Variants in CEP63 observed in about 807,000 individuals in gnomAD.
The protein encoded by CEP63 is centrosomal protein of 63 kDa.
CEP63 carries 84 observed loss-of-function variants against 89.1 expected under a neutral mutation model. The observed-to-expected ratio is 0.94, with a 90% CI of 0.79 to 1.13. The LOEUF (loss-of-function observed/expected upper bound fraction) is 1.13. Among genes scored for constraint, CEP63 ranks in the 50% most tolerant of loss-of-function variants. The pLI is 0.00. For synonymous variants in CEP63, 267 were observed against 272.5 expected (o/e 0.98, Z 0.20); for missense variants, 838 against 813.3 (o/e 1.03, Z -0.37).
the CEP63 span, among the ~76,000 whole-genome samples, chr3:134,617,516 C>T: frequency 2.6e-5 from 4 of 152,144 alleles, no homozygotes; most frequent in Non-Finnish European, 5.9e-5. Flanking sequence ...ACAGGTAATT[C>T]CTGTATGCAC....
chr3:134,766,590 T>A, the CEP63 span, among the ~76,000 whole-genome samples: 1 of 152,162 alleles, frequency 6.6e-6, no homozygotes, highest in African/African-American at 2.4e-5. Flanking sequence ...TTTCTCCTAG[T>A]GGAGGGCTGA....
the CEP63 span, among the ~76,000 whole-genome samples, chr3:134,699,717 C>T: frequency 6.6e-6 from 1 of 152,228 alleles, no homozygotes; most frequent in South Asian, 2.1e-4. Context: ...AATCTCAGCT[C>T]ATAATTTCAA....
the CEP63 span, among the ~76,000 whole-genome samples, chr3:134,659,683 G>T: frequency 6.6e-6 from 1 of 152,218 alleles, no homozygotes; most frequent in Admixed American, 6.5e-5. Flanking sequence ...ACCTCTCCTG[G>T]TGGTTCAAGA....
chr3:134,575,314 TTTTC>T (rs796829705), downstream of CEP63, among the ~76,000 whole-genome samples: 53 of 125,586 alleles, frequency 4.2e-4, 1 homozygote, highest in African/African-American at 1.6e-3. Context: ...TTCTTTCCTT[TTTTC>T]TTTCTTTCTT....
intron 3 of CEP63, among the ~76,000 whole-genome samples, chr3:134,524,678 C>T (rs573961260): frequency 1.3e-5 from 2 of 152,220 alleles, no homozygotes; most frequent in East Asian, 3.9e-4. Context: ...TGTGATGAAT[C>T]ACATTTATTG....
the CEP63 span, among the ~76,000 whole-genome samples, chr3:134,646,194 G>A: frequency 6.6e-6 from 1 of 152,224 alleles, no homozygotes; most frequent in African/African-American, 2.4e-5. Flanking sequence ...CCATAGCAGA[G>A]TTTTGTTAGC....
chr3:134,744,993 G>A, the CEP63 span, among the ~76,000 whole-genome samples: 1 of 152,160 alleles, frequency 6.6e-6, no homozygotes, highest in Non-Finnish European at 1.5e-5. Flanking sequence ...TTTGACATAT[G>A]TATACACTCA....
At chr3:134,651,076 G>T in the CEP63 span, 1 of 1,507,208 alleles carries the variant, frequency 6.6e-7, no homozygotes, top group Non-Finnish European at 8.8e-7. Context: ...GCGGAAGAGG[G>T]CGCTCCCCCG....
the CEP63 span, among the ~76,000 whole-genome samples, chr3:134,648,309 AG>A: frequency 6.6e-6 from 1 of 152,092 alleles, no homozygotes; most frequent in East Asian, 1.9e-4. Flanking sequence ...TCAACCACTC[AG>A]GGGCCGCCAC....
chr3:134,642,689 C>T, the CEP63 span, among the ~76,000 whole-genome samples: 1 of 152,220 alleles, frequency 6.6e-6, no homozygotes, highest in South Asian at 2.1e-4. Context: ...CAGGAGAGGC[C>T]GAAGAACTGC....
chr3:134,585,717 G>A (rs1413903103), intron 10 of CEP63, among the ~76,000 whole-genome samples: 1 of 152,120 alleles, frequency 6.6e-6, no homozygotes, highest in Non-Finnish European at 1.5e-5. Context: ...TCTGCTTGGT[G>A]CAGAGCTGAG....
chr3:134,776,521 A>G, the CEP63 span, among the ~76,000 whole-genome samples: 1 of 152,184 alleles, frequency 6.6e-6, no homozygotes, highest in South Asian at 2.1e-4. Flanking sequence ...TGGCTGCTGC[A>G]TTGTGTGTGT....
At chr3:134,608,221 G>A in the CEP63 span, 1 of 1,186,616 alleles carries the variant, frequency 8.4e-7, no homozygotes, top group African/African-American at 1.6e-5. Flanking sequence ...GCTTCTGTTG[G>A]GGACCTGAGC....
At chr3:134,531,587 A>G (rs1261164054) in intron 3 of CEP63, among the ~76,000 whole-genome samples, 3 of 152,156 alleles carry the variant, frequency 2.0e-5, no homozygotes, top group African/African-American at 4.8e-5. Flanking sequence ...TCTCAAAAAG[A>G]AAAAAAGAAA....
At chr3:134,544,933 C>G (rs972283591) in intron 6 of CEP63, among the ~76,000 whole-genome samples, 1 of 152,034 alleles carries the variant, frequency 6.6e-6, no homozygotes, top group Non-Finnish European at 1.5e-5. Context: ...CTGCAACTTC[C>G]GCTTCCTGGG....
chr3:134,642,227 G>A, the CEP63 span, among the ~76,000 whole-genome samples: 1 of 152,198 alleles, frequency 6.6e-6, no homozygotes, highest in South Asian at 2.1e-4. Context: ...ATTTCAGAGA[G>A]CAATTCCCTG....
chr3:134,604,379 T>C, the CEP63 span: 1 of 1,614,032 alleles, frequency 6.2e-7, no homozygotes, highest in East Asian at 2.2e-5. Flanking sequence ...CCATTCTTCC[T>C]TAGGCTCAGC....
chr3:134,559,056 A>T, intron 13 of CEP63, 94 bp from the exon 14 acceptor site: 2 of 1,278,826 alleles, frequency 1.6e-6, no homozygotes, highest in Non-Finnish European at 2.2e-6. Flanking sequence ...TAGCCTTATT[A>T]GTTAGGCTAT....
At chr3:134,577,967 G>T (rs1432103723), downstream of CEP63, among the ~76,000 whole-genome samples, 1 of 152,104 alleles carries the variant, frequency 6.6e-6, no homozygotes, top group Non-Finnish European at 1.5e-5. Context: ...CCTTTTCATG[G>T]CTGCATAGTA....
Sources: gnomAD v4.1 joint callset for allele counts (sites outside exome capture counted in the v4.1 genomes callset) on GRCh38, gnomAD v4.1.1 for gene constraint, MANE v1.5 for transcripts, NCBI Gene and HGNC (gene_info 2026-07-23, HGNC 2026-07-21) for gene names.